Variants in NTM observed in about 807,000 individuals in gnomAD.
NTM encodes the protein IgLON family member 2.
Under a neutral mutation model 42.1 loss-of-function variants are expected in NTM, and 13 were observed. That is an observed-to-expected ratio of 0.31 (90% CI 0.20 to 0.49). NTM has a LOEUF of 0.49. Ranked by LOEUF, NTM falls within the 20% of genes least tolerant of loss-of-function variation. The probability of loss-of-function intolerance (pLI) is 0.99; values close to 1 mark genes in which losing one functional copy is unlikely to be tolerated. For synonymous variants in NTM, 187 were observed against 179.2 expected, an observed-to-expected ratio of 1.04 and a Z score of -0.35; for missense variants, 373 against 452.8, an observed-to-expected ratio of 0.82 and a Z score of 1.60.
intron 1 of NTM, among the ~76,000 whole-genome samples, chr11:131,487,649 T>G (rs1954324049): frequency 6.6e-6 from 1 of 152,190 alleles, no homozygotes; most frequent in African/African-American, 2.4e-5. Context: ...TTACAGAGGT[T>G]ACAGATAGGG....
intron 1 of NTM, among the ~76,000 whole-genome samples, chr11:131,845,602 C>T (rs534170023): frequency 3.3e-5 from 5 of 151,228 alleles, no homozygotes; most frequent in East Asian, 1.9e-4. Context: ...ATACCAGAGG[C>T]GAATCCATTC....
intron 2 of NTM, among the ~76,000 whole-genome samples, chr11:131,941,039 C>T (rs1306846659): frequency 6.6e-6 from 1 of 152,004 alleles, no homozygotes; most frequent in East Asian, 1.9e-4. Flanking sequence ...GCATAGGGCA[C>T]GTGGAGGGGT....
In NTM at chr11:132,207,572, G is replaced by A. The variant is rs116107926; in HGVS notation, c.401-4450G>A. Among the ~76,000 whole-genome samples the A allele has an allele frequency of 4.9e-3, 745 of 152,088 alleles. 9 individuals are homozygous for A. Among genetic ancestry groups the A allele is most frequent in the African/African-American group, 0.017 (687 of 41,492 alleles). ...AATCATCCTGAAACCATTCCTTCCC[G>A]CATCCCCAGTTCATGGAAAAAATTA... is the stretch of plus-strand genomic sequence containing the variant. On this transcript the variant is annotated intron_variant, in intron 3 of 8. Coordinates refer to ENST00000683400, the MANE Select transcript of NTM (RefSeq NM_001352005.2).
At chr11:131,783,073 A>T (rs776313600) in intron 1 of NTM, among the ~76,000 whole-genome samples, 1 of 152,176 alleles carries the variant, frequency 6.6e-6, no homozygotes, top group Non-Finnish European at 1.5e-5. Flanking sequence ...GATTGTGTAC[A>T]TAGAAAATTC....
chr11:131,750,233 C>T (rs1292882362), intron 1 of NTM, among the ~76,000 whole-genome samples: 1 of 146,424 alleles, frequency 6.8e-6, no homozygotes, highest in Non-Finnish European at 1.5e-5. Flanking sequence ...TTGGGTGTTG[C>T]CACCTTTGTC....
chr11:132,179,252 G>A (rs1439243634), intron 3 of NTM, among the ~76,000 whole-genome samples: 1 of 152,134 alleles, frequency 6.6e-6, no homozygotes, highest in African/African-American at 2.4e-5. Flanking sequence ...TAGATTTAAA[G>A]GGCTAAGATA....
intron 1 of NTM, among the ~76,000 whole-genome samples, chr11:131,603,803 A>G (rs944910288): frequency 3.3e-5 from 5 of 152,040 alleles, no homozygotes; most frequent in South Asian, 2.1e-4. Flanking sequence ...TATGTGACTT[A>G]TTTCTTCCAC....
At chr11:131,769,955 G>T (rs572078861) in intron 1 of NTM, among the ~76,000 whole-genome samples, 1 of 152,248 alleles carries the variant, frequency 6.6e-6, no homozygotes, top group East Asian at 1.9e-4. Context: ...TTTTGCCTGA[G>T]CCCTGGACCT....
intron 7 of NTM, among the ~76,000 whole-genome samples, chr11:132,324,299 CCTT>C (rs2095633685): frequency 6.8e-6 from 1 of 146,578 alleles, no homozygotes; most frequent in African/African-American, 2.5e-5. Flanking sequence ...CCCAAAATCT[CCTT>C]AAGCTGATAA....
intron 4 of NTM, among the ~76,000 whole-genome samples, chr11:132,271,624 A>G (rs2093481458): frequency 6.6e-6 from 1 of 151,748 alleles, no homozygotes; most frequent in Non-Finnish European, 1.5e-5. Flanking sequence ...TGTGGTTATG[A>G]TTTGCATTTT....
chr11:131,598,857 CT>C lies in NTM; in HGVS notation c.82+227971del, dbSNP rs1290552395. The stretch of plus-strand genomic sequence containing the variant: ...TCTTTCTTTCTTTCTTTCTTCCTTC[CT>C]TCCTTCCTTCCTTCCTTCTTCCTTC... On this transcript the variant is annotated intron_variant, in intron 1 of 8. Transcript: ENST00000683400. 5.5e-3 allele frequency among the ~76,000 whole-genome samples: 234 copies of C among 42,520 alleles called. 31 individuals carry two copies. The highest frequency in any genetic ancestry group is 0.012 in the African/African-American group (206 of 17,486). 27.9% of individuals were successfully genotyped at this position (42,520 alleles called of 152,430 possible). A position where few individuals can be genotyped will look rare whatever the true frequency, so the allele number is the denominator to read the frequency against.
At chr11:131,818,258 T>A (rs2136380687) in intron 1 of NTM, among the ~76,000 whole-genome samples, 1 of 152,276 alleles carries the variant, frequency 6.6e-6, no homozygotes, top group South Asian at 2.1e-4. Context: ...GCCTGCCTCA[T>A]TTCAACCCAG....
intron 2 of NTM, among the ~76,000 whole-genome samples, chr11:131,926,829 G>T (rs2058022534): frequency 6.6e-6 from 1 of 152,094 alleles, no homozygotes; most frequent in Non-Finnish European, 1.5e-5. Flanking sequence ...GAGGATCCGG[G>T]GTTTTCTAAC....
chr11:132,019,320 T>C (rs2073963407), intron 2 of NTM, among the ~76,000 whole-genome samples: 1 of 152,050 alleles, frequency 6.6e-6, no homozygotes, highest in Non-Finnish European at 1.5e-5. Flanking sequence ...AGCACCGATT[T>C]AACTGCATTC....
chr11:132,044,834 A>G lies in NTM; in HGVS notation c.168-101448A>G, dbSNP rs376457048. ...ACCCTCCCGAGACTGAACCAGGAAG[A>G]AATTGAATCCTTGAATAGACCAATA... On this transcript the variant is annotated intron_variant, in intron 2 of 8. Coordinates refer to ENST00000683400, the MANE Select transcript of NTM (RefSeq NM_001352005.2). Among the ~76,000 whole-genome samples the G allele has an allele frequency of 3.9e-5, 6 of 152,336 alleles. No homozygotes were observed. The South Asian group carries it at 6.2e-4, about 16-fold the overall frequency.
At chr11:131,582,573 G>T in intron 1 of NTM, among the ~76,000 whole-genome samples, 1 of 146,632 alleles carries the variant, frequency 6.8e-6, no homozygotes, top group East Asian at 2.0e-4. Context: ...TTTAACTCTA[G>T]ATGAGTCTCC....
At chr11:131,990,853 C>T (rs1190676009) in intron 2 of NTM, among the ~76,000 whole-genome samples, 4 of 152,126 alleles carry the variant, frequency 2.6e-5, no homozygotes, top group African/African-American at 4.8e-5. Flanking sequence ...CTATTTTCCA[C>T]ATATATGTTC....
intron 2 of NTM, among the ~76,000 whole-genome samples, chr11:132,013,910 T>C (rs1004135655): frequency 6.6e-6 from 1 of 152,122 alleles, no homozygotes; most frequent in Non-Finnish European, 1.5e-5. Context: ...CTTCTAGCCA[T>C]TTCGAAATGT....
intron 1 of NTM, among the ~76,000 whole-genome samples, chr11:131,805,471 A>G (rs1458135360): frequency 6.6e-6 from 1 of 152,216 alleles, no homozygotes; most frequent in Non-Finnish European, 1.5e-5. Flanking sequence ...TGAAAATCGT[A>G]TGATTTACTG....
Sources: allele counts gnomAD v4.1 joint callset (sites outside exome capture counted in the v4.1 genomes callset), GRCh38; gene constraint gnomAD v4.1.1; transcripts MANE v1.5; gene names NCBI Gene and HGNC (gene_info 2026-07-23, HGNC 2026-07-21).